The following CPQ variants were observed in gnomAD, a reference collection of about 807,000 sequenced individuals.
CPQ encodes the protein carboxypeptidase Q.
In CPQ, 37 loss-of-function variants were observed where a neutral mutation model predicts 45.7. That is an observed-to-expected ratio of 0.81 (90% CI 0.62 to 1.07). The LOEUF (loss-of-function observed/expected upper bound fraction) is 1.07, where lower values mean the gene tolerates loss of function less well. Ranked by LOEUF, CPQ falls within the 50% of genes least tolerant of loss-of-function variation. The probability of loss-of-function intolerance (pLI) is 0.00; values close to 1 mark genes in which losing one functional copy is unlikely to be tolerated. For missense variants in CPQ, 537 were observed against 572.9 expected (o/e 0.94, Z 0.64); for synonymous variants, 186 against 205.8 (o/e 0.90, Z 0.82).
chr8:96,735,539 G>A (rs1346588718), intron 1 of CPQ, among the ~76,000 whole-genome samples: 1 of 152,200 alleles, frequency 6.6e-6, no homozygotes, highest in African/African-American at 2.4e-5. Context: ...ACACTAATAG[G>A]AAAAATGCAA....
chr8:96,924,566 A>G (rs1162304789), intron 4 of CPQ, among the ~76,000 whole-genome samples: 1 of 152,240 alleles, frequency 6.6e-6, no homozygotes, highest in Admixed American at 6.5e-5. Context: ...TCCATGCAGC[A>G]TAACTCTTCT....
chr8:97,061,355 GA>G (rs899006553), intron 6 of CPQ, among the ~76,000 whole-genome samples: 10 of 151,950 alleles, frequency 6.6e-5, no homozygotes, highest in South Asian at 2.1e-4. Flanking sequence ...TTATGATCAT[GA>G]AAAAAAGTTT....
intron 1 of CPQ, among the ~76,000 whole-genome samples, chr8:96,649,780 C>T (rs139054721): frequency 6.6e-6 from 1 of 152,268 alleles, no homozygotes; most frequent in Admixed American, 6.5e-5. Context: ...AATTTAATAA[C>T]TCACTTAAAA....
chr8:97,026,505 TTC>T (rs1446644388), intron 5 of CPQ, among the ~76,000 whole-genome samples: 1 of 152,206 alleles, frequency 6.6e-6, no homozygotes, highest in Non-Finnish European at 1.5e-5. Context: ...TAAGGTCTAA[TTC>T]TTGAATGAAA....
intron 7 of CPQ, among the ~76,000 whole-genome samples, chr8:97,108,100 A>C (rs1811432606): frequency 1.3e-5 from 2 of 152,222 alleles, no homozygotes; most frequent in South Asian, 4.1e-4. Context: ...ATGCCTTGCC[A>C]GTGCTGTTTC....
intron 5 of CPQ, among the ~76,000 whole-genome samples, chr8:96,988,389 G>A (rs1466625064): frequency 2.6e-5 from 4 of 151,938 alleles, no homozygotes; most frequent in South Asian, 2.1e-4. Flanking sequence ...ATACATATTC[G>A]GAGTTTTTAT....
rs888853389 is a variant in CPQ at position 96,828,624 on chromosome 8, A to G, written c.434-6349A>G. Among the ~76,000 whole-genome samples, 3 of 151,972 alleles carry G rather than the reference A, an allele frequency of 2.0e-5. No individual in the cohort carries two copies. In the East Asian group the frequency reaches 5.8e-4, roughly 29 times the overall value. On this transcript the variant is annotated intron_variant, in intron 2 of 7. Coordinates refer to ENST00000220763, the MANE Select transcript of CPQ (RefSeq NM_016134.4). ...TACTGCTTGAACCTGACTGAGGTGC[A>G]TTATGCTTCCTGCTGCTCACTTTAC... is the stretch of plus-strand genomic sequence containing the variant.
chr8:96,970,313 C>A (rs566941222), intron 5 of CPQ, among the ~76,000 whole-genome samples: 1 of 152,066 alleles, frequency 6.6e-6, no homozygotes, highest in Non-Finnish European at 1.5e-5. Context: ...TTAGCCATAC[C>A]GCTGGGTATA....
chr8:97,007,408 C>T (rs1004875261), intron 5 of CPQ, among the ~76,000 whole-genome samples: 1 of 152,200 alleles, frequency 6.6e-6, no homozygotes, highest in African/African-American at 2.4e-5. Flanking sequence ...GCAAATGCCA[C>T]TAAGAACTTG....
At chr8:96,915,652 G>A (rs886253741) in intron 4 of CPQ, among the ~76,000 whole-genome samples, 2 of 152,076 alleles carry the variant, frequency 1.3e-5, no homozygotes, top group African/African-American at 2.4e-5. Context: ...ACAGATCTTA[G>A]GATTCCTCTC....
intron 1 of CPQ, among the ~76,000 whole-genome samples, chr8:96,782,184 G>C (rs904020125): frequency 2.6e-5 from 4 of 152,218 alleles, no homozygotes; most frequent in African/African-American, 7.2e-5. Flanking sequence ...TCCTGCAGCA[G>C]ATTTCTACCT....
chr8:96,838,180 C>G (rs754770517), intron 3 of CPQ, among the ~76,000 whole-genome samples: 52 of 152,104 alleles, frequency 3.4e-4, no homozygotes, highest in Non-Finnish European at 2.9e-4. Flanking sequence ...ATCATAATGT[C>G]TTGGAAGTAT....
At chr8:96,705,896 C>T (rs1809525694) in intron 1 of CPQ, among the ~76,000 whole-genome samples, 2 of 152,022 alleles carry the variant, frequency 1.3e-5, no homozygotes, top group Non-Finnish European at 1.5e-5. Context: ...ATAATTTTTA[C>T]CTTTGATAAT....
chr8:96,971,651 C>A (rs1434565477), intron 5 of CPQ, among the ~76,000 whole-genome samples: 1 of 152,162 alleles, frequency 6.6e-6, no homozygotes, highest in Non-Finnish European at 1.5e-5. Flanking sequence ...AATAATACAT[C>A]TGCTTGTGAA....
intron 7 of CPQ, among the ~76,000 whole-genome samples, chr8:97,082,869 G>C (rs1225371918): frequency 6.6e-6 from 1 of 152,074 alleles, no homozygotes; most frequent in African/African-American, 2.4e-5. Flanking sequence ...GTTATTTATA[G>C]GAACACTCTC....
At chr8:96,800,129 T>C (rs1006022420) in intron 2 of CPQ, among the ~76,000 whole-genome samples, 1 of 152,140 alleles carries the variant, frequency 6.6e-6, no homozygotes, top group Non-Finnish European at 1.5e-5. Context: ...GGAATAAATA[T>C]GTGGGCCTAG....
intron 7 of CPQ, among the ~76,000 whole-genome samples, chr8:97,113,767 C>A (rs762869884): frequency 1.3e-5 from 2 of 152,178 alleles, no homozygotes; most frequent in Non-Finnish European, 2.9e-5. Flanking sequence ...GGGAATAAAA[C>A]GTATCTGGTG....
chr8:96,645,563 C>T (rs1221627713), intron 1 of CPQ, among the ~76,000 whole-genome samples, 161 bp downstream of exon 1: 1 of 152,164 alleles, frequency 6.6e-6, no homozygotes, highest in Non-Finnish European at 1.5e-5. Flanking sequence ...ACGGGAGGAC[C>T]TGGCTGGGGA....
At chr8:96,722,366 C>A (rs1236623812) in intron 1 of CPQ, among the ~76,000 whole-genome samples, 1 of 152,078 alleles carries the variant, frequency 6.6e-6, no homozygotes, top group Non-Finnish European at 1.5e-5. Context: ...GGGACCAGAT[C>A]TGGCCTGCTC....
Sources: allele counts gnomAD v4.1 joint callset (sites outside exome capture counted in the v4.1 genomes callset), GRCh38; gene constraint gnomAD v4.1.1; transcripts MANE v1.5; gene names NCBI Gene and HGNC (gene_info 2026-07-23, HGNC 2026-07-21).